Variants in TOGARAM1 observed in about 807,000 individuals in gnomAD.
TOGARAM1 encodes TOG array regulator of axonemal microtubules 1, also known as TOG array regulator of axonemal microtubules protein 1.
In TOGARAM1, 100 loss-of-function variants were observed where a neutral mutation model predicts 166.6. That is an observed-to-expected ratio of 0.60 (90% CI 0.51 to 0.71). TOGARAM1 has a LOEUF of 0.71. Among genes scored for constraint, TOGARAM1 ranks in the 30% least tolerant of loss-of-function variants. The pLI is 0.00. For missense variants in TOGARAM1, 2,029 were observed against 2,102.7 expected, an observed-to-expected ratio of 0.96 and a Z score of 0.69; for synonymous variants, 758 against 763.8, an observed-to-expected ratio of 0.99 and a Z score of 0.13.
intron 9 of TOGARAM1, 56 bp from the exon 10 acceptor site, chr14:45,028,120 A>G: frequency 4.8e-6 from 7 of 1,448,890 alleles, no homozygotes; most frequent in Non-Finnish European, 6.5e-6. Flanking sequence ...TGAGATGAAG[A>G]TATTTTAAAT....
chr14:45,038,376 A>T (rs758703183), intron 11 of TOGARAM1, among the ~76,000 whole-genome samples: 3 of 152,202 alleles, frequency 2.0e-5, no homozygotes, highest in Non-Finnish European at 4.4e-5. Context: ...ACCAGCCCAG[A>T]TCCCATGCCT....
Position 44,963,471 on chromosome 14 carries a change from TA to T in TOGARAM1, c.1051del (p.Ile351PhefsTer25), listed in dbSNP as rs752983983. 5 of 1,614,176 alleles carry T rather than the reference TA, an allele frequency of 3.1e-6. No individual in the cohort carries two copies. The highest frequency in any genetic ancestry group is 4.2e-6 in the Non-Finnish European group (5 of 1,180,034). On this transcript the variant is annotated frameshift_variant, in exon 1 of 20. Coordinates refer to ENST00000361462, the MANE Select transcript of TOGARAM1 (RefSeq NM_001308120.2). LOFTEE classifies it high-confidence loss of function. ...CCAACAGCAATCTTAAATTTGGGAT[TA>T]TTCCTCAGGAGCTGCATTCACGATT... Reference protein sequence around the residue: ...LSNSNLKFGIIPQELHSRLLD... With the variant: ...LSNSNLKFGIXPQELHSRLLD...
chr14:45,032,181 A>G (rs73348095), intron 10 of TOGARAM1, 42 bp from the exon 11 acceptor site: 107,529 of 1,561,146 alleles, frequency 0.069, 5,266 homozygotes, highest in African/African-American at 0.23. Context: ...AATTTTTTTT[A>G]AAAAGGTTCT....
At chr14:45,047,866 C>T (rs975760167) in intron 14 of TOGARAM1, among the ~76,000 whole-genome samples, 2 of 150,910 alleles carry the variant, frequency 1.3e-5, no homozygotes, top group East Asian at 3.9e-4. Flanking sequence ...GACCAGCCTG[C>T]GAACATGGTT....
rs868589166 is a variant in TOGARAM1 at position 45,002,742 on chromosome 14, C to T, written c.2339-1319C>T. Among the ~76,000 whole-genome samples the T allele has an allele frequency of 5.9e-5, 9 of 152,116 alleles. No homozygotes were observed. In the South Asian group the frequency reaches 1.9e-3, roughly 32 times the overall value. ...CCTGTAATCCTAGTGCTTTGGGAGG[C>T]CAAGGTGGGTGGATCATGAGGTCAA... On this transcript the variant is annotated intron_variant, in intron 3 of 19. Coordinates refer to ENST00000361462, the MANE Select transcript of TOGARAM1 (RefSeq NM_001308120.2).
At chr14:44,978,951 T>C (rs1300886579) in intron 1 of TOGARAM1, among the ~76,000 whole-genome samples, 2 of 150,746 alleles carry the variant, frequency 1.3e-5, no homozygotes, top group Non-Finnish European at 3.0e-5. Flanking sequence ...CTAGTCAACA[T>C]TGCAAGATCC....
intron 1 of TOGARAM1, among the ~76,000 whole-genome samples, chr14:44,990,922 TACAG>T (rs1887087082): frequency 6.7e-6 from 1 of 150,366 alleles, no homozygotes; most frequent in African/African-American, 2.4e-5. Flanking sequence ...ATGCAGGGAT[TACAG>T]GTGTGAGCCA....
At chr14:45,033,252 C>CA (rs1434217190) in intron 11 of TOGARAM1, among the ~76,000 whole-genome samples, 3,651 of 105,450 alleles carry the variant, frequency 0.035, 126 homozygotes, top group African/African-American at 0.081. Context: ...AACTCTGTCT[C>CA]AAAAAAAAAA....
chr14:45,059,913 AT>A (rs1210596745), intron 16 of TOGARAM1, among the ~76,000 whole-genome samples: 6,709 of 138,464 alleles, frequency 0.048, 447 homozygotes, highest in African/African-American at 0.17. Context: ...TAGAAATGCA[AT>A]TTTTTTTTTT....
intron 1 of TOGARAM1, among the ~76,000 whole-genome samples, chr14:44,988,598 T>C (rs1216777921): frequency 6.6e-6 from 1 of 152,174 alleles, no homozygotes; most frequent in Non-Finnish European, 1.5e-5. Context: ...TATTGTTGAG[T>C]GGTAGTTTCA....
At chr14:45,010,290 G>C (rs576793684) in intron 6 of TOGARAM1, among the ~76,000 whole-genome samples, 1 of 152,202 alleles carries the variant, frequency 6.6e-6, no homozygotes, top group African/African-American at 2.4e-5. Context: ...TTAGCAGCTT[G>C]TTTTGTACTT....
chr14:44,969,601 C>T (rs946441319), intron 1 of TOGARAM1, among the ~76,000 whole-genome samples: 2 of 152,180 alleles, frequency 1.3e-5, no homozygotes, highest in African/African-American at 4.8e-5. Flanking sequence ...CCTTTGGTAT[C>T]ATATCTAAAA....
At chr14:44,966,931 C>T (rs1367856094) in intron 1 of TOGARAM1, among the ~76,000 whole-genome samples, 1 of 144,476 alleles carries the variant, frequency 6.9e-6, no homozygotes, top group Non-Finnish European at 1.5e-5. Flanking sequence ...GCACTCCAGC[C>T]TGCTCAAGAG....
rs1566660261 is a variant in TOGARAM1 at position 45,045,565 on chromosome 14, ATATATATATATATATATATG to A, written c.4154+697_4154+716del. Among the ~76,000 whole-genome samples the A allele has an allele frequency of 6.1e-4, 25 of 41,262 alleles. 1 individual carries two copies. Among genetic ancestry groups the A allele is most frequent in the East Asian group, 2.3e-3 (3 of 1,322 alleles). The allele number at this position is 41,262 out of a possible 152,430, so 27.1% of individuals were successfully genotyped here. A position where few individuals can be genotyped will look rare whatever the true frequency, so the allele number is the denominator to read the frequency against. Reference sequence around the variant, plus strand: ...TGTGTATATATATATATATATATATATATATATATATATATATATGTGTGTGTGTGTGTGTGTGTGTGTGT... The same window carrying A: ...TGTGTATATATATATATATATATATATGTGTGTGTGTGTGTGTGTGTGTGT... On this transcript the variant is annotated intron_variant, in intron 13 of 19. Coordinates refer to ENST00000361462, the MANE Select transcript of TOGARAM1 (RefSeq NM_001308120.2).
intron 7 of TOGARAM1, among the ~76,000 whole-genome samples, chr14:45,014,063 GAGACA>G (rs1879972225): frequency 4.4e-5 from 2 of 45,334 alleles, no homozygotes; most frequent in African/African-American, 2.1e-4. Context: ...TTTTTTTTTT[GAGACA>G]AGAGTCTCGC....
chr14:45,000,318 G>T (rs984809864), intron 3 of TOGARAM1, among the ~76,000 whole-genome samples: 6 of 151,832 alleles, frequency 4.0e-5, no homozygotes, highest in Admixed American at 6.6e-5. Context: ...ATTTTTGTAC[G>T]CATTAACTAC....
At chr14:45,071,454 A>G (rs543349668) in intron 18 of TOGARAM1, among the ~76,000 whole-genome samples, 97 of 152,174 alleles carry the variant, frequency 6.4e-4, no homozygotes, top group Non-Finnish European at 9.4e-4. Context: ...CAGTGGCACA[A>G]TCATAGCTCA....
Position 45,073,698 on chromosome 14 carries a change from G to A in TOGARAM1, c.*137G>A, listed in dbSNP as rs553267271. 2.6e-6 allele frequency: 2 copies of A among 754,894 alleles called. No individual in the cohort carries two copies. The highest frequency in any genetic ancestry group is 2.7e-5 in the East Asian group (1 of 37,124). 46.8% of individuals were successfully genotyped at this position (754,894 alleles called of 1,614,324 possible). A position where few individuals can be genotyped will look rare whatever the true frequency, so the allele number is the denominator to read the frequency against. Reference sequence around the variant, plus strand: ...ATGGCTATTTTTATTTGCAGCCTATGAGTACACATCTGTCCTATATCAACC... The same window carrying A: ...ATGGCTATTTTTATTTGCAGCCTATAAGTACACATCTGTCCTATATCAACC... On this transcript the variant is annotated 3_prime_UTR_variant, in exon 20 of 20. Transcript: ENST00000361462.
At chr14:45,017,284 G>A (rs957262908) in intron 7 of TOGARAM1, among the ~76,000 whole-genome samples, 3 of 152,054 alleles carry the variant, frequency 2.0e-5, no homozygotes, top group African/African-American at 7.2e-5. Context: ...TCAAGGCTTT[G>A]TATATGATTT....
Sources: allele counts gnomAD v4.1 joint callset (sites outside exome capture counted in the v4.1 genomes callset), GRCh38; gene constraint gnomAD v4.1.1; transcripts MANE v1.5; gene names NCBI Gene and HGNC (gene_info 2026-07-23, HGNC 2026-07-21).